The following MAP7D1 variants were observed in gnomAD, a reference collection of about 807,000 sequenced individuals.
The protein encoded by MAP7D1 is MAP7 domain-containing protein 1.
A neutral mutation model predicts 97.5 loss-of-function variants in MAP7D1; 30 were observed. The ratio of observed to expected loss-of-function variants is 0.31; its 90% confidence interval spans 0.23 to 0.42. The LOEUF is 0.42. Ranked by LOEUF, MAP7D1 falls within the 10% of genes least tolerant of loss-of-function variation. The pLI is 1.00. For synonymous variants in MAP7D1, 536 were observed against 477.1 expected, an observed-to-expected ratio of 1.12 and a Z score of -1.61; for missense variants, 1,184 against 1,179.5, an observed-to-expected ratio of 1.00 and a Z score of -0.06.
At chr1:36,174,098 G>A (rs78545798) in intron 5 of MAP7D1, among the ~76,000 whole-genome samples, 5,055 of 152,250 alleles carry the variant, frequency 0.033, 514 homozygotes, top group East Asian at 0.26. Context: ...CACTTGCAGC[G>A]TAACCTTTAA....
At chr1:36,163,735 A>C (rs1344685750) in intron 1 of MAP7D1, among the ~76,000 whole-genome samples, 1 of 151,386 alleles carries the variant, frequency 6.6e-6, no homozygotes, top group Non-Finnish European at 1.5e-5. Context: ...CTGCCCAAAC[A>C]CTATTGAGAT....
At chr1:36,158,617 G>T (rs189516596) in intron 1 of MAP7D1, among the ~76,000 whole-genome samples, 1 of 152,210 alleles carries the variant, frequency 6.6e-6, no homozygotes, top group Non-Finnish European at 1.5e-5. Flanking sequence ...TAGGGGCAGT[G>T]TTGTCAACCT....
chr1:36,170,493 A>AT (rs1644526528), intron 1 of MAP7D1, among the ~76,000 whole-genome samples: 1 of 34,002 alleles, frequency 2.9e-5, no homozygotes, highest in Non-Finnish European at 4.9e-5. Context: ...AGACATGGAA[A>AT]CAATCAGTGC....
At chr1:36,179,805 C>T (rs1475647208) in intron 15 of MAP7D1, 49 bp downstream of exon 15, 2 of 1,560,624 alleles carry the variant, frequency 1.3e-6, no homozygotes, top group Admixed American at 3.8e-5. Flanking sequence ...CAGACTGCAG[C>T]TGGAGCTGCG....
chr1:36,168,060 G>A (rs919360733), intron 1 of MAP7D1, among the ~76,000 whole-genome samples: 4 of 152,196 alleles, frequency 2.6e-5, no homozygotes, highest in Non-Finnish European at 5.9e-5. Context: ...ACTTTGGGAG[G>A]CTGAGGAGGG....
chr1:36,178,185 C>A lies in MAP7D1; in HGVS notation c.1692C>A (p.Pro564=), dbSNP rs767922582. Residue 564 remains proline (P), a synonymous_variant, in exon 9 of 17, where the codon CCC becomes CCA. Coordinates refer to ENST00000474796, the MANE Select transcript of MAP7D1 (RefSeq NM_001388490.1). ...CCCCGCCCCAGAAGGAGCAGCCCCC[C>A]GCGGAGACCCCTACAGGTAGGAATG... ...TPAPPQKEQP[P]AETPTDAAVL... 1.3e-6 allele frequency: 2 copies of A among 1,571,282 alleles called. No individual in the cohort carries two copies. The highest frequency in any genetic ancestry group is 2.3e-5 in the East Asian group (1 of 43,302).
chr1:36,159,515 C>T lies in MAP7D1; in HGVS notation c.46+3052C>T, dbSNP rs547591746. On this transcript the variant is annotated intron_variant, in intron 1 of 16. Transcript: ENST00000474796. This position sits in a 1 kb window ranked among gnomAD's most constrained non-coding sequence, Gnocchi z 5.4. ...ATCCAGGGAACGGAGGGGCCCCATA[C>T]CTGAAGTGGAACAGTGGGAACAGGA... is the stretch of plus-strand genomic sequence containing the variant. 7.2e-5 allele frequency among the ~76,000 whole-genome samples: 11 copies of T among 152,162 alleles called. No individual in the cohort carries two copies. Among genetic ancestry groups the T allele is most frequent in the Non-Finnish European group, 1.3e-4 (9 of 68,020 alleles).
chr1:36,165,464 C>CTTTTTTTTTT (rs538278038), intron 1 of MAP7D1, among the ~76,000 whole-genome samples: 1 of 136,090 alleles, frequency 7.3e-6, no homozygotes, highest in Non-Finnish European at 1.6e-5. Flanking sequence ...TTTTCTTTTT[C>CTTTTTTTTTT]TTTTTTTTTT....
intron 16 of MAP7D1, 41 bp from the exon 17 acceptor site, chr1:36,180,207 T>A: frequency 1.9e-6 from 3 of 1,613,972 alleles, no homozygotes; most frequent in Non-Finnish European, 2.5e-6. Context: ...TGGGCTTGAG[T>A]GCTGTTTGCC....
intron 14 of MAP7D1, 42 bp downstream of exon 14, chr1:36,179,599 C>G (rs746938395): frequency 1.9e-6 from 3 of 1,540,820 alleles, no homozygotes; most frequent in Non-Finnish European, 2.6e-6. Context: ...CTTTGCCATC[C>G]TCCTCCTCCT....
At chr1:36,161,885 G>A (rs200839968) in intron 1 of MAP7D1, among the ~76,000 whole-genome samples, 4 of 138,614 alleles carry the variant, frequency 2.9e-5, no homozygotes, top group Admixed American at 2.6e-4. Context: ...GTATGTGTGT[G>A]TGTGTGTGTG....
At chr1:36,177,682 C>A in intron 8 of MAP7D1, 191 bp from the exon 9 acceptor site, 1 of 867,156 alleles carries the variant, frequency 1.2e-6, no homozygotes, top group Non-Finnish European at 1.8e-6. Context: ...ATCAAAGAAT[C>A]CCACAGAAAC....
In MAP7D1 at chr1:36,178,973, A is replaced by T; in HGVS notation, c.2078A>T (p.Glu693Val). 1 of 1,557,736 alleles carries T rather than the reference A, an allele frequency of 6.4e-7. No homozygotes were observed. Among genetic ancestry groups the T allele is most frequent in the Non-Finnish European group, 8.7e-7 (1 of 1,151,520 alleles). ...GAAGAGGCGGAGCGGCAGCGTCTGG[A>T]GCGGGAAAAGCACTTCCAGCAGCAG... ...SREEAERQRL[E>V]REKHFQQQEQ... The change falls in exon 12 of 17, where the codon GAG (glutamate) becomes GTG (valine). Residue 693 changes from glutamate to valine, a missense_variant. Glu to Val is a moderately radical substitution (Grantham distance 121, BLOSUM62 -2). Coordinates refer to ENST00000474796, the MANE Select transcript of MAP7D1 (RefSeq NM_001388490.1).
chr1:36,176,352 C>A lies in MAP7D1; in HGVS notation c.1004C>A (p.Thr335Lys). Residue 335 changes from threonine (T) to lysine (K), a missense_variant, in exon 7 of 17, where the codon ACG becomes AAG. Thr to Lys is a moderately conservative substitution (Grantham distance 78, BLOSUM62 -1). Coordinates refer to ENST00000474796, the MANE Select transcript of MAP7D1 (RefSeq NM_001388490.1). The surrounding 1 kb of genome is among the most constrained non-coding windows in gnomAD (Gnocchi z 6.1). ...GGCTGCGACCCTGGGAGAGGCCCCA[C>A]GTGGGGCCGGGCAGGGGCCAGCCTG... ...GRGCDPGRGP[T>K]WGRAGASLAR... 3.3e-6 allele frequency: 5 copies of A among 1,526,604 alleles called. No individual in the cohort carries two copies. The highest frequency in any genetic ancestry group is 4.4e-6 in the Non-Finnish European group (5 of 1,140,314). 94.6% of individuals were successfully genotyped at this position (1,526,604 alleles called of 1,614,324 possible).
chr1:36,171,301 C>T lies in MAP7D1; in HGVS notation c.377C>T (p.Pro126Leu). ...ACAGCAGTGCCAGCCTCCGACAGCC[C>T]TCCCACCAAGCAAGGTGTGTGTAAT... is the stretch of plus-strand genomic sequence containing the variant. Reference protein sequence around the residue: ...SPTAVPASDSPPTKQEVKKAG... With the variant: ...SPTAVPASDSLPTKQEVKKAG... Residue 126 changes from proline (P) to leucine (L), a missense_variant, in exon 2 of 17, where the codon CCT becomes CTT. Transcript: ENST00000474796. The T allele has an allele frequency of 2.6e-6, 4 of 1,565,594 alleles. No individual in the cohort carries two copies. Among genetic ancestry groups the T allele is most frequent in the Non-Finnish European group, 3.5e-6 (4 of 1,154,920 alleles).
At chr1:36,179,790 G>A (rs1013090931) in intron 15 of MAP7D1, 34 bp downstream of exon 15, 1 of 1,553,366 alleles carries the variant, frequency 6.4e-7, no homozygotes, top group African/African-American at 1.4e-5. Flanking sequence ...CCCTGAGCAG[G>A]GAGGCAGACT....
intron 12 of MAP7D1, 53 bp downstream of exon 12, chr1:36,179,078 G>T: frequency 6.6e-7 from 1 of 1,513,624 alleles, no homozygotes; most frequent in Non-Finnish European, 9.0e-7. Flanking sequence ...GGGCGGGCCA[G>T]GTGGGCGGGG....
At chr1:36,160,600 A>G (rs1235830263) in intron 1 of MAP7D1, among the ~76,000 whole-genome samples, 1 of 152,200 alleles carries the variant, frequency 6.6e-6, no homozygotes, top group East Asian at 1.9e-4. Context: ...TCACTTACCT[A>G]AAGTCACACA....
intron 1 of MAP7D1, among the ~76,000 whole-genome samples, chr1:36,161,908 TGTGAGA>T (rs1183825555): frequency 2.0e-5 from 3 of 149,816 alleles, no homozygotes; most frequent in Non-Finnish European, 3.0e-5. Context: ...TGTGTGTGTG[TGTGAGA>T]GAGAGAGGAG....
Sources: allele counts gnomAD v4.1 joint callset (sites outside exome capture counted in the v4.1 genomes callset), GRCh38; gene constraint gnomAD v4.1.1; non-coding constraint Gnocchi (gnomAD v3.1); transcripts MANE v1.5; gene names NCBI Gene and HGNC (gene_info 2026-07-23, HGNC 2026-07-21).